ANO3: variants seen among roughly 807,000 people sequenced by gnomAD.
ANO3 encodes the protein anoctamin-3.
In ANO3, 99 loss-of-function variants were observed where a neutral mutation model predicts 144.8. The ratio of observed to expected loss-of-function variants is 0.68; its 90% CI spans 0.58 to 0.81. The LOEUF is 0.81. Among genes scored for constraint, ANO3 ranks in the 30% least tolerant of loss-of-function variants. The pLI is 0.00. For missense variants in ANO3, 905 were observed against 1,202.2 expected, an observed-to-expected ratio of 0.75 and a Z score of 3.66; for synonymous variants, 414 against 392.6, an observed-to-expected ratio of 1.05 and a Z score of -0.64.
intron 17 of ANO3, among the ~76,000 whole-genome samples, chr11:26,604,444 G>T (rs1342167901): frequency 6.6e-6 from 1 of 152,054 alleles, no homozygotes; most frequent in African/African-American, 2.4e-5. Flanking sequence ...TTCTAATTCT[G>T]TGAAGAATGT....
rs1169601167 is a variant in ANO3 at position 26,534,510 on chromosome 11, A to G, written c.924A>G (p.Ile308Met). The change falls in exon 9 of 27, where the codon ATA (isoleucine) becomes ATG (methionine). Residue 308 changes from isoleucine to methionine, a missense_variant. Ile to Met is a conservative substitution (Grantham distance 10). Coordinates refer to ENST00000256737, the MANE Select transcript of ANO3 (RefSeq NM_031418.4). ...TFFSNATRSR[I>M]VYHMLERTKY... The stretch of plus-strand genomic sequence containing the variant: ...TCAGCAATGCTACTCGAAGCAGAAT[A>G]GTCTATCACATGCTGGAACGCACCA... 6.8e-6 allele frequency: 11 copies of G among 1,613,300 alleles called. No homozygotes were observed. The highest frequency in any genetic ancestry group is 9.3e-6 in the Non-Finnish European group (11 of 1,179,528).
chr11:26,385,908 T>TATATATATATATATATATAC (rs1310559300), intron 1 of ANO3, among the ~76,000 whole-genome samples: 2,268 of 149,012 alleles, frequency 0.015, 22 homozygotes, highest in East Asian at 0.044. Flanking sequence ...TATATTTATA[T>TATATATATATATATATATAC]ACATATTTAC....
At chr11:26,596,540 G>A (rs7935600) in intron 14 of ANO3, among the ~76,000 whole-genome samples, 18,807 of 152,136 alleles carry the variant, frequency 0.12, 1,422 homozygotes, top group African/African-American at 0.22. Context: ...AGAGTCACCA[G>A]GGCCAAGACT....
At chr11:26,243,473 A>C (rs543897308) in intron 1 of ANO3, among the ~76,000 whole-genome samples, 1 of 151,766 alleles carries the variant, frequency 6.6e-6, no homozygotes, top group East Asian at 2.0e-4. Flanking sequence ...AGAAAAAAAA[A>C]AGAGGAATCT....
intron 6 of ANO3, among the ~76,000 whole-genome samples, chr11:26,521,924 C>T (rs542226921): frequency 7.6e-4 from 116 of 152,294 alleles, no homozygotes; most frequent in South Asian, 2.1e-3. Flanking sequence ...GTGGCTCACG[C>T]CTGTAATCCC....
intron 4 of ANO3, among the ~76,000 whole-genome samples, chr11:26,496,291 C>T (rs752461173): frequency 1.3e-5 from 2 of 152,172 alleles, no homozygotes; most frequent in Non-Finnish European, 2.9e-5. Flanking sequence ...AGAACACTTA[C>T]TACTGAGGTG....
chr11:26,200,296 G>A (rs903812169), intron 1 of ANO3, among the ~76,000 whole-genome samples: 34 of 152,056 alleles, frequency 2.2e-4, no homozygotes, highest in African/African-American at 8.2e-4. Flanking sequence ...TGGTAACATA[G>A]GAAATATTTT....
chr11:26,240,635 T>C (rs1049689607), intron 1 of ANO3, among the ~76,000 whole-genome samples: 2 of 152,204 alleles, frequency 1.3e-5, no homozygotes, highest in African/African-American at 2.4e-5. Flanking sequence ...ACTTTAAATA[T>C]ACTGTTCGGT....
intron 7 of ANO3, among the ~76,000 whole-genome samples, chr11:26,530,495 A>T: frequency 5.7e-5 from 1 of 17,556 alleles, no homozygotes; most frequent in South Asian, 1.8e-3. Context: ...CTATCTATCT[A>T]TCTATCATCT....
chr11:26,648,022 GTTA>G (rs1367709502), intron 24 of ANO3, among the ~76,000 whole-genome samples, 166 bp downstream of exon 24: 1 of 152,090 alleles, frequency 6.6e-6, no homozygotes, highest in Non-Finnish European at 1.5e-5. Context: ...GGACAACAGT[GTTA>G]TTATAGCAAA....
At chr11:26,349,948 G>A (rs1352670296) in intron 1 of ANO3, among the ~76,000 whole-genome samples, 1 of 152,118 alleles carries the variant, frequency 6.6e-6, no homozygotes, top group Non-Finnish European at 1.5e-5. Context: ...TGAGTACAGT[G>A]ACCTCCTTGC....
chr11:26,528,928 A>ATCCT (rs1478072661), intron 7 of ANO3, among the ~76,000 whole-genome samples: 1 of 149,746 alleles, frequency 6.7e-6, no homozygotes, highest in Non-Finnish European at 1.5e-5. Flanking sequence ...CTATGTATTT[A>ATCCT]TTATTTTAGG....
upstream of ANO3, among the ~76,000 whole-genome samples, chr11:26,307,760 C>G (rs944644000): frequency 9.0e-6 from 1 of 110,704 alleles, no homozygotes; most frequent in Non-Finnish European, 2.1e-5. Flanking sequence ...ATAATAATAA[C>G]AATTTAATGA....
Position 26,469,581 on chromosome 11 carries a change from CAG to C in ANO3, c.432+6435_432+6436del, listed in dbSNP as rs142994953. 4.1e-3 allele frequency among the ~76,000 whole-genome samples: 621 copies of C among 151,824 alleles called. 4 individuals are homozygous for C. Among genetic ancestry groups the C allele is most frequent in the African/African-American group, 0.014 (591 of 41,462 alleles). On this transcript the variant is annotated intron_variant, in intron 4 of 26. Transcript: ENST00000256737. The stretch of plus-strand genomic sequence containing the variant: ...CAAAAATAAACAATTTTTCTAATGA[CAG>C]AATAGAAAAATGGCCTTTTTAAGTG...
chr11:26,570,553 T>G (rs999101396), intron 14 of ANO3, among the ~76,000 whole-genome samples: 11 of 152,076 alleles, frequency 7.2e-5, no homozygotes, highest in African/African-American at 2.4e-4. Flanking sequence ...AAATCAGAAA[T>G]TCTAAATAGA....
intron 26 of ANO3, among the ~76,000 whole-genome samples, chr11:26,659,892 T>A (rs957548812): frequency 6.6e-5 from 10 of 152,156 alleles, no homozygotes; most frequent in African/African-American, 2.4e-4. Context: ...TGTGTTATGA[T>A]CTATTGGACA....
intron 18 of ANO3, among the ~76,000 whole-genome samples, chr11:26,632,529 T>A (rs1379074121): frequency 2.7e-5 from 4 of 146,766 alleles, no homozygotes; most frequent in East Asian, 2.0e-4. Context: ...AAAAAAAAAA[T>A]TTATATATAT....
chr11:26,562,426 A>AT (rs982829485), intron 14 of ANO3, among the ~76,000 whole-genome samples: 1 of 151,852 alleles, frequency 6.6e-6, no homozygotes, highest in African/African-American at 2.4e-5. Context: ...GAAAACACAT[A>AT]TTTTTTTCCC....
intron 17 of ANO3, among the ~76,000 whole-genome samples, chr11:26,607,370 C>A (rs1851965584): frequency 6.6e-6 from 1 of 152,070 alleles, no homozygotes; most frequent in Admixed American, 6.5e-5. Flanking sequence ...GCCTGTCTTG[C>A]TAAGTTGGGG....
Sources: allele counts gnomAD v4.1 joint callset (sites outside exome capture counted in the v4.1 genomes callset), GRCh38; gene constraint gnomAD v4.1.1; transcripts MANE v1.5; gene names NCBI Gene and HGNC (gene_info 2026-07-23, HGNC 2026-07-21).